PPM1E: variants seen among roughly 807,000 people sequenced by gnomAD.
PPM1E encodes protein phosphatase, Mg2+/Mn2+ dependent 1E, also known as protein phosphatase 1E.
A neutral mutation model predicts 65.9 loss-of-function variants in PPM1E; 20 were observed. That is an observed-to-expected ratio of 0.30 (90% CI 0.21 to 0.44). PPM1E has a LOEUF of 0.44. PPM1E is among the 20% of genes least tolerant of loss of function. PPM1E has a pLI of 1.00. For missense variants in PPM1E, 713 were observed against 953.1 expected (o/e 0.75, Z 3.32); for synonymous variants, 352 against 374.9 (o/e 0.94, Z 0.70).
At chr17:58,817,723 A>C (rs1598589904) in intron 1 of PPM1E, among the ~76,000 whole-genome samples, 1 of 152,176 alleles carries the variant, frequency 6.6e-6, no homozygotes, top group African/African-American at 2.4e-5. Flanking sequence ...TGTCCTAGAA[A>C]ATGCTTGCAT....
rs181451268 is a variant in PPM1E at position 58,810,031 on chromosome 17, G to T, written c.464+53570G>T. On this transcript the variant is annotated intron_variant, in intron 1 of 6. Coordinates refer to ENST00000308249, the MANE Select transcript of PPM1E (RefSeq NM_014906.5). ...ATAATTATTAGTAAGATATTTTACA[G>T]TCTTTTTTTGTACCAAATCTTTGAA... Among the ~76,000 whole-genome samples the T allele has an allele frequency of 6.2e-3, 879 of 140,648 alleles. 5 individuals carry two copies. Among genetic ancestry groups the T allele is most frequent in the African/African-American group, 9.6e-3 (391 of 40,766 alleles). 92.3% of individuals were successfully genotyped at this position (140,648 alleles called of 152,430 possible). A position where few individuals can be genotyped will look rare whatever the true frequency, so the allele number is the denominator to read the frequency against.
intron 1 of PPM1E, among the ~76,000 whole-genome samples, chr17:58,876,908 C>T (rs1262037383): frequency 6.6e-6 from 1 of 152,066 alleles, no homozygotes; most frequent in Admixed American, 6.6e-5. Context: ...CTCAGCCTCC[C>T]GAGTAGCTGG....
intron 1 of PPM1E, among the ~76,000 whole-genome samples, chr17:58,912,093 C>T (rs188697733): frequency 6.6e-6 from 1 of 152,118 alleles, no homozygotes; most frequent in Non-Finnish European, 1.5e-5. Flanking sequence ...TTGGCTAAGA[C>T]TTAAACTTTT....
intron 1 of PPM1E, among the ~76,000 whole-genome samples, chr17:58,848,075 T>G (rs546000949): frequency 6.6e-6 from 1 of 152,334 alleles, no homozygotes; most frequent in South Asian, 2.1e-4. Flanking sequence ...TCTGTTTGTC[T>G]GTTATTGGTG....
At chr17:58,916,922 A>G (rs1410733797) in intron 1 of PPM1E, among the ~76,000 whole-genome samples, 3 of 152,158 alleles carry the variant, frequency 2.0e-5, no homozygotes, top group Admixed American at 6.6e-5. Context: ...TGTAAGAACT[A>G]TCTGTGGTGG....
chr17:58,885,030 C>G (rs1050043383), intron 1 of PPM1E, among the ~76,000 whole-genome samples: 17 of 152,010 alleles, frequency 1.1e-4, no homozygotes, highest in African/African-American at 4.1e-4. Flanking sequence ...CTTGTAACCT[C>G]TGCTTAATGT....
intron 1 of PPM1E, 41 bp from the exon 2 acceptor site, chr17:58,955,608 A>G: frequency 1.2e-6 from 2 of 1,605,238 alleles, no homozygotes; most frequent in Non-Finnish European, 1.7e-6. Context: ...TTACTTTCTA[A>G]TTCTTTTGCT....
chr17:58,788,590 T>G (rs1567833827), intron 1 of PPM1E, among the ~76,000 whole-genome samples: 1 of 152,254 alleles, frequency 6.6e-6, no homozygotes, highest in Non-Finnish European at 1.5e-5. Flanking sequence ...TTTCATCTTC[T>G]TGGTAACATT....
chr17:58,803,724 G>A (rs1439387701), intron 1 of PPM1E, among the ~76,000 whole-genome samples: 1 of 152,162 alleles, frequency 6.6e-6, no homozygotes, highest in Non-Finnish European at 1.5e-5. Context: ...TAACCTGTAA[G>A]ACAAAAGTAT....
rs547847070 is a variant in PPM1E at position 58,812,748 on chromosome 17, G to T, written c.464+56287G>T. ...TTTTGTTTTTTGTTTTTGTTTTTTAGTAGAGATCGGGTTTTGCCATGTTGG... is the reference window on the plus strand; with the variant it reads ...TTTTGTTTTTTGTTTTTGTTTTTTATTAGAGATCGGGTTTTGCCATGTTGG... On this transcript the variant is annotated intron_variant, in intron 1 of 6. Coordinates refer to ENST00000308249, the MANE Select transcript of PPM1E (RefSeq NM_014906.5). Among the ~76,000 whole-genome samples, 20 of 151,902 alleles carry T rather than the reference G, an allele frequency of 1.3e-4. No homozygotes were observed. The East Asian group carries it at 3.9e-3, about 29-fold the overall frequency.
At chr17:58,823,172 A>G (rs1255032261) in intron 1 of PPM1E, among the ~76,000 whole-genome samples, 1 of 152,208 alleles carries the variant, frequency 6.6e-6, no homozygotes, top group African/African-American at 2.4e-5. Context: ...ACAACGTATA[A>G]AAATGAGGTT....
intron 1 of PPM1E, among the ~76,000 whole-genome samples, chr17:58,822,247 A>G (rs1303086477): frequency 6.6e-6 from 1 of 152,222 alleles, no homozygotes; most frequent in East Asian, 1.9e-4. Flanking sequence ...TACATATGCA[A>G]CTAGGAGCAA....
intron 1 of PPM1E, among the ~76,000 whole-genome samples, chr17:58,825,269 T>C (rs1038801201): frequency 8.1e-6 from 1 of 123,460 alleles, no homozygotes; most frequent in Admixed American, 7.8e-5. Context: ...CACACAAAAA[T>C]AAATAGAATG....
chr17:58,923,713 C>G (rs1293326179), intron 1 of PPM1E, among the ~76,000 whole-genome samples: 4 of 148,408 alleles, frequency 2.7e-5, no homozygotes, highest in Admixed American at 1.4e-4. Context: ...CACTACTGCA[C>G]TCCAGCCTGG....
intron 1 of PPM1E, among the ~76,000 whole-genome samples, chr17:58,770,917 C>A (rs907253017): frequency 2.7e-5 from 4 of 150,656 alleles, no homozygotes; most frequent in Non-Finnish European, 5.9e-5. Context: ...AGTGCAGTGG[C>A]ACAATCTCGG....
chr17:58,842,444 A>T (rs140751541), intron 1 of PPM1E, among the ~76,000 whole-genome samples: 68 of 152,370 alleles, frequency 4.5e-4, no homozygotes, highest in Non-Finnish European at 8.8e-4. Context: ...TAATAGGGGA[A>T]AATGGAAAAT....
chr17:58,815,631 G>C (rs974586753), intron 1 of PPM1E, among the ~76,000 whole-genome samples: 7 of 152,084 alleles, frequency 4.6e-5, no homozygotes, highest in Non-Finnish European at 8.8e-5. Flanking sequence ...GCTTTGAAAA[G>C]TTTTCATATC....
chr17:58,807,896 T>C (rs2050330374), intron 1 of PPM1E, among the ~76,000 whole-genome samples: 1 of 152,192 alleles, frequency 6.6e-6, no homozygotes, highest in Non-Finnish European at 1.5e-5. Context: ...TCATCCCAGG[T>C]AGGCAAAATG....
chr17:58,901,486 C>T (rs1274919155), intron 1 of PPM1E, among the ~76,000 whole-genome samples: 1 of 151,730 alleles, frequency 6.6e-6, no homozygotes, highest in East Asian at 1.9e-4. Flanking sequence ...CCAGCCTGGC[C>T]AATATAGTGA....
Sources: gnomAD v4.1 joint callset for allele counts (sites outside exome capture counted in the v4.1 genomes callset) on GRCh38, gnomAD v4.1.1 for gene constraint, MANE v1.5 for transcripts, NCBI Gene and HGNC (gene_info 2026-07-23, HGNC 2026-07-21) for gene names.